Variants in STIM2 observed in about 807,000 individuals in gnomAD.
The protein encoded by STIM2 is stromal interaction molecule 2.
STIM2 carries 31 observed loss-of-function variants against 85.8 expected under a neutral mutation model. The observed-to-expected ratio is 0.36, with a 90% CI of 0.27 to 0.49. STIM2 has a LOEUF of 0.49. STIM2 is among the 20% of genes least tolerant of loss of function. The pLI is 0.98. For synonymous variants in STIM2, 356 were observed against 331.1 expected (o/e 1.08, Z -0.82); for missense variants, 841 against 927.6 (o/e 0.91, Z 1.21).
chr4:26,932,733 A>T (rs1183372250), intron 2 of STIM2, among the ~76,000 whole-genome samples: 1 of 152,180 alleles, frequency 6.6e-6, no homozygotes, highest in East Asian at 1.9e-4. Context: ...CACTCTCTGG[A>T]GCTAAGCAGC....
intron 1 of STIM2, among the ~76,000 whole-genome samples, chr4:26,912,873 G>T (rs1015182251): frequency 6.6e-6 from 1 of 152,176 alleles, no homozygotes; most frequent in Non-Finnish European, 1.5e-5. Flanking sequence ...TTCCATTGGG[G>T]AGTACTGTTG....
chr4:26,873,605 A>G, intron 1 of STIM2: 1 of 498,064 alleles, frequency 2.0e-6, no homozygotes, highest in Non-Finnish European at 3.7e-6. Context: ...TTTGGTGATC[A>G]GACAGGGCTT....
At chr4:26,863,911 C>A (rs796108617) in intron 1 of STIM2, among the ~76,000 whole-genome samples, 2 of 152,048 alleles carry the variant, frequency 1.3e-5, no homozygotes, top group East Asian at 3.8e-4. Flanking sequence ...TTAATACTTA[C>A]CTTTAGAAGC....
intron 1 of STIM2, among the ~76,000 whole-genome samples, chr4:26,881,986 T>G (rs1047453247): frequency 3.9e-5 from 6 of 152,242 alleles, no homozygotes; most frequent in Non-Finnish European, 2.9e-5. Flanking sequence ...GACAGATTGC[T>G]TTCTGGAAGG....
chr4:27,007,856 CA>C (rs1728420341), intron 8 of STIM2, 156 bp downstream of exon 8: 1 of 809,042 alleles, frequency 1.2e-6, no homozygotes. Context: ...CTCTAGTAAT[CA>C]TAAGCTTTAA....
chr4:26,919,659 C>T (rs764154133), intron 2 of STIM2, 25 bp downstream of exon 2: 2 of 1,612,522 alleles, frequency 1.2e-6, no homozygotes, highest in East Asian at 4.5e-5. Context: ...GTTTTCCTTG[C>T]TATTGTCTTA....
At chr4:26,908,712 G>A (rs1350188183) in intron 1 of STIM2, among the ~76,000 whole-genome samples, 1 of 152,200 alleles carries the variant, frequency 6.6e-6, no homozygotes, top group Non-Finnish European at 1.5e-5. Context: ...TCGAACTTCT[G>A]ACCTCAAGTG....
intron 2 of STIM2, among the ~76,000 whole-genome samples, chr4:26,922,120 C>T (rs933468907): frequency 2.6e-5 from 4 of 152,042 alleles, no homozygotes; most frequent in African/African-American, 7.2e-5. Context: ...TGGAAAACAA[C>T]GTAAACTAGT....
At chr4:26,989,335 C>A (rs1460441524) in intron 3 of STIM2, among the ~76,000 whole-genome samples, 2 of 152,192 alleles carry the variant, frequency 1.3e-5, no homozygotes, top group Non-Finnish European at 2.9e-5. Context: ...TGTGCTACCT[C>A]ACATCAATAG....
chr4:26,954,982 G>A lies in STIM2; in HGVS notation c.283-2630G>A, dbSNP rs988587006. Among the ~76,000 whole-genome samples, 9 of 145,584 alleles carry A rather than the reference G, an allele frequency of 6.2e-5. 2 individuals are homozygous for A. The highest frequency in any genetic ancestry group is 1.1e-4 in the Non-Finnish European group (7 of 66,544). On this transcript the variant is annotated intron_variant, in intron 2 of 11. Coordinates refer to ENST00000467087, the MANE Select transcript of STIM2 (RefSeq NM_020860.4). The stretch of plus-strand genomic sequence containing the variant: ...ATTCAATTTTCACCCAACTTTATTA[G>A]GAATTTTATTTCTTAGGAATTCTTT...
At position 26,919,579 on chromosome 4, in the gene STIM2, A is replaced by G. The variant is rs1229958452; in HGVS notation, c.227A>G (p.His76Arg). ...AGTCTGGAAGCTCTTCAAACAATACATAAACAAATGGATGATGACAAAGAT... is the reference window on the plus strand; with the variant it reads ...AGTCTGGAAGCTCTTCAAACAATACGTAAACAAATGGATGATGACAAAGAT... The change falls in exon 2 of 12, where the codon CAT (histidine) becomes CGT (arginine). Residue 76 changes from histidine to arginine, a missense_variant. Transcript: ENST00000467087. 6.2e-7 allele frequency: 1 copy of G among 1,613,756 alleles called. No individual in the cohort carries two copies. Among genetic ancestry groups the G allele is most frequent in the Non-Finnish European group, 8.5e-7 (1 of 1,179,744 alleles).
chr4:26,936,134 A>T (rs953916314), intron 2 of STIM2, among the ~76,000 whole-genome samples: 6 of 152,220 alleles, frequency 3.9e-5, no homozygotes, highest in African/African-American at 1.4e-4. Context: ...CAAGTTATTG[A>T]GACAGATTTT....
chr4:26,966,729 A>G (rs1453178862), intron 3 of STIM2, among the ~76,000 whole-genome samples: 4 of 152,126 alleles, frequency 2.6e-5, no homozygotes, highest in Non-Finnish European at 5.9e-5. Context: ...TATATTACAT[A>G]TATAAATGTA....
chr4:26,903,119 T>G (rs762412147), intron 1 of STIM2, among the ~76,000 whole-genome samples: 112 of 152,146 alleles, frequency 7.4e-4, no homozygotes, highest in Non-Finnish European at 1.4e-3. Flanking sequence ...AAAATGTTCC[T>G]TGTAAAAAAG....
intron 2 of STIM2, among the ~76,000 whole-genome samples, chr4:26,942,506 T>C (rs1169181608): frequency 6.6e-6 from 1 of 152,168 alleles, no homozygotes; most frequent in Admixed American, 6.6e-5. Context: ...TTCTCTCCTC[T>C]TGTTTTTTCT....
At chr4:27,000,490 CAT>C (rs1728114158) in intron 5 of STIM2, among the ~76,000 whole-genome samples, 1 of 152,154 alleles carries the variant, frequency 6.6e-6, no homozygotes, top group Non-Finnish European at 1.5e-5. Context: ...CAATTTTTCT[CAT>C]GTGAGTGGTT....
intron 10 of STIM2, among the ~76,000 whole-genome samples, chr4:27,010,126 C>T (rs1728510671): frequency 6.6e-6 from 1 of 152,018 alleles, no homozygotes; most frequent in Non-Finnish European, 1.5e-5. Context: ...GAAAAAAGTA[C>T]AAGAGTTGAT....
chr4:26,930,022 G>C (rs1050461005), intron 2 of STIM2, among the ~76,000 whole-genome samples: 1 of 152,098 alleles, frequency 6.6e-6, no homozygotes, highest in East Asian at 1.9e-4. Flanking sequence ...TGAATTTGGA[G>C]TACTTTGGGT....
intron 10 of STIM2, among the ~76,000 whole-genome samples, chr4:27,010,120 A>C (rs183856354): frequency 7.9e-5 from 12 of 152,314 alleles, no homozygotes; most frequent in Non-Finnish European, 1.5e-5. Flanking sequence ...AAATCAGAAA[A>C]AAGTACAAGA....
Sources: allele counts gnomAD v4.1 joint callset (sites outside exome capture counted in the v4.1 genomes callset), GRCh38; gene constraint gnomAD v4.1.1; transcripts MANE v1.5; gene names NCBI Gene and HGNC (gene_info 2026-07-23, HGNC 2026-07-21).